The following SLC5A4 variants were observed in gnomAD, a reference collection of about 807,000 sequenced individuals.
SLC5A4 encodes the protein probable glucose sensor protein SLC5A4.
SLC5A4 carries 55 observed loss-of-function variants against 70.3 expected under a neutral mutation model. The observed-to-expected ratio is 0.78, with a 90% CI of 0.63 to 0.98. The LOEUF is 0.98. SLC5A4 is among the 50% of genes least tolerant of loss of function. The probability of loss-of-function intolerance (pLI) is 0.00; values close to 1 mark genes in which losing one functional copy is unlikely to be tolerated. For missense variants in SLC5A4, 735 were observed against 839.2 expected (o/e 0.88, Z 1.53); for synonymous variants, 268 against 305.7 (o/e 0.88, Z 1.29).
Position 32,225,631 on chromosome 22 carries a change from A to AG in SLC5A4, c.1449+23_1449+24insC, listed in dbSNP as rs769001838. On this transcript the variant is annotated intron_variant, in intron 12 of 14. Coordinates refer to ENST00000266086, the MANE Select transcript of SLC5A4 (RefSeq NM_014227.3). ...ATTTTTTTCTCACTCCAGCAGGGAA[A>AG]CTTTTTTTCCAGTTTTCACTCACCT... 2.2e-4 allele frequency: 336 copies of AG among 1,539,526 alleles called. 1 individual carries two copies. The highest frequency in any genetic ancestry group is 1.9e-4 in the Non-Finnish European group (213 of 1,133,750).
At chr22:32,291,718 C>T in the SLC5A4 span, among the ~76,000 whole-genome samples, 7 of 152,102 alleles carry the variant, frequency 4.6e-5, no homozygotes, top group Admixed American at 1.3e-4. Context: ...TAACAATTCC[C>T]TTATACTCAA....
chr22:32,241,807 A>G (rs898917303), intron 5 of SLC5A4, among the ~76,000 whole-genome samples: 9 of 145,346 alleles, frequency 6.2e-5, no homozygotes, highest in Middle Eastern at 3.5e-3. Context: ...GTGTGTGTAT[A>G]TATATCTGTA....
chr22:32,287,478 G>C, the SLC5A4 span, among the ~76,000 whole-genome samples: 1 of 148,894 alleles, frequency 6.7e-6, no homozygotes, highest in Non-Finnish European at 1.5e-5. Flanking sequence ...GTTTATTGCA[G>C]TTGTCCTAAC....
At chr22:32,292,418 T>C in the SLC5A4 span, among the ~76,000 whole-genome samples, 43 of 148,322 alleles carry the variant, frequency 2.9e-4, no homozygotes, top group East Asian at 1.4e-3. Flanking sequence ...TTCTAGTGTA[T>C]GTGTGTGTGT....
At chr22:32,324,062 T>G in the SLC5A4 span, among the ~76,000 whole-genome samples, 71 of 152,246 alleles carry the variant, frequency 4.7e-4, no homozygotes, top group African/African-American at 1.6e-3. Context: ...CACCTCCGTT[T>G]GGGAATGACA....
chr22:32,270,286 C>A, the SLC5A4 span: 1 of 796,140 alleles, frequency 1.3e-6, no homozygotes, highest in Non-Finnish European at 2.2e-6. Flanking sequence ...TCAGAACAAC[C>A]CTGAGCCGGA....
the SLC5A4 span, among the ~76,000 whole-genome samples, chr22:32,326,238 C>T: frequency 6.6e-6 from 1 of 151,578 alleles, no homozygotes; most frequent in Admixed American, 6.6e-5. Flanking sequence ...TGACTGTATG[C>T]ACGTGGGGTA....
intron 1 of SLC5A4, 64 bp downstream of exon 1, chr22:32,255,131 C>T: frequency 4.4e-6 from 6 of 1,360,274 alleles, no homozygotes; most frequent in Non-Finnish European, 5.2e-6. Context: ...ACACCCCTTC[C>T]CCCCTTAAGA....
upstream of SLC5A4, among the ~76,000 whole-genome samples, chr22:32,259,312 A>C (rs1165806240): frequency 1.3e-5 from 2 of 152,264 alleles, no homozygotes; most frequent in African/African-American, 4.8e-5. Context: ...TTAGTCTTTC[A>C]GCATTATTAG....
At chr22:32,308,240 T>C in the SLC5A4 span, among the ~76,000 whole-genome samples, 124 of 152,306 alleles carry the variant, frequency 8.1e-4, no homozygotes, top group African/African-American at 2.8e-3. Context: ...TGGGGACCAG[T>C]ACACCCAAGT....
At chr22:32,314,101 G>A in the SLC5A4 span, among the ~76,000 whole-genome samples, 15 of 152,178 alleles carry the variant, frequency 9.9e-5, no homozygotes, top group African/African-American at 1.4e-4. Flanking sequence ...TGAGAGATAC[G>A]CCAAGAAGGA....
At chr22:32,277,749 C>G in the SLC5A4 span, among the ~76,000 whole-genome samples, 1 of 152,050 alleles carries the variant, frequency 6.6e-6, no homozygotes, top group Non-Finnish European at 1.5e-5. Flanking sequence ...GGCGTTTCAC[C>G]GTGTTAGCCA....
chr22:32,221,629 T>C (rs998854503), intron 13 of SLC5A4, among the ~76,000 whole-genome samples: 1 of 152,250 alleles, frequency 6.6e-6, no homozygotes, highest in Non-Finnish European at 1.5e-5. Flanking sequence ...AGTCTGTATG[T>C]TGATTTAAGC....
the SLC5A4 span, among the ~76,000 whole-genome samples, chr22:32,306,072 G>A: frequency 6.6e-6 from 1 of 152,124 alleles, no homozygotes; most frequent in Middle Eastern, 3.2e-3. Flanking sequence ...GTGGGCACAG[G>A]TTCCCTTGAG....
intron 10 of SLC5A4, among the ~76,000 whole-genome samples, chr22:32,230,111 T>C (rs1925660199): frequency 2.0e-5 from 3 of 152,174 alleles, no homozygotes; most frequent in Admixed American, 2.0e-4. Flanking sequence ...CTAAGCCTCC[T>C]AGGACAGAGT....
At chr22:32,254,522 C>T (rs570315415) in intron 1 of SLC5A4, among the ~76,000 whole-genome samples, 169 of 152,190 alleles carry the variant, frequency 1.1e-3, no homozygotes, top group African/African-American at 4.0e-3. Flanking sequence ...TTTGCAGTCT[C>T]GGCCGGGCAC....
chr22:32,331,997 C>T, the SLC5A4 span, among the ~76,000 whole-genome samples: 2 of 152,086 alleles, frequency 1.3e-5, no homozygotes, highest in African/African-American at 2.4e-5. Context: ...CCCAGGGGCC[C>T]AGACATCCTC....
At chr22:32,350,430 T>G in the SLC5A4 span, among the ~76,000 whole-genome samples, 1 of 152,142 alleles carries the variant, frequency 6.6e-6, no homozygotes, top group African/African-American at 2.4e-5. Flanking sequence ...AGAACCTGGG[T>G]TTCATGTCCT....
At chr22:32,300,599 A>T in the SLC5A4 span, among the ~76,000 whole-genome samples, 1 of 151,308 alleles carries the variant, frequency 6.6e-6, no homozygotes. Context: ...CTCAGATGGA[A>T]ATGCAGAAAT....
Sources: gnomAD v4.1 joint callset for allele counts (sites outside exome capture counted in the v4.1 genomes callset) on GRCh38, gnomAD v4.1.1 for gene constraint, MANE v1.5 for transcripts, NCBI Gene and HGNC (gene_info 2026-07-23, HGNC 2026-07-21) for gene names.